The following ASTN1 variants were observed in gnomAD, a reference collection of about 807,000 sequenced individuals.
ASTN1 encodes the protein astrotactin 1, also known as astrotactin-1.
A neutral mutation model predicts 140.7 loss-of-function variants in ASTN1; 41 were observed. The observed-to-expected ratio is 0.29, with a 90% CI of 0.23 to 0.38. ASTN1 has a LOEUF of 0.38. ASTN1 is among the 10% of genes least tolerant of loss of function. The pLI, the probability that ASTN1 is intolerant of heterozygous loss-of-function variation, is 1.00. For synonymous variants in ASTN1, 640 were observed against 652.2 expected (o/e 0.98, Z 0.29); for missense variants, 1,479 against 1,678.8 (o/e 0.88, Z 2.08).
At chr1:177,047,531 C>T (rs768834969) in intron 2 of ASTN1, among the ~76,000 whole-genome samples, 2 of 152,124 alleles carry the variant, frequency 1.3e-5, no homozygotes, top group African/African-American at 4.8e-5. Context: ...ATAGTTCAAG[C>T]TGCATTTTAT....
chr1:177,045,664 C>T (rs1207669223), intron 2 of ASTN1, among the ~76,000 whole-genome samples: 4 of 152,210 alleles, frequency 2.6e-5, no homozygotes, highest in Non-Finnish European at 5.9e-5. Context: ...TTCACCCAAC[C>T]TCACTCTAGC....
At chr1:176,951,019 C>T (rs575265965) in intron 11 of ASTN1, among the ~76,000 whole-genome samples, 8 of 152,284 alleles carry the variant, frequency 5.3e-5, no homozygotes, top group Admixed American at 2.6e-4. Context: ...AGATCATCAC[C>T]AGGCAGGATA....
intron 2 of ASTN1, among the ~76,000 whole-genome samples, chr1:177,048,805 G>T (rs1043272758): frequency 3.3e-5 from 5 of 152,226 alleles, no homozygotes; most frequent in Non-Finnish European, 5.9e-5. Flanking sequence ...ACACAGAGGA[G>T]CAGAGCCAGC....
At chr1:176,979,765 TGTGTGATATTA>T (rs1452620568) in intron 8 of ASTN1, among the ~76,000 whole-genome samples, 12 of 152,116 alleles carry the variant, frequency 7.9e-5, no homozygotes, top group African/African-American at 2.7e-4. Flanking sequence ...TTAGCAGAAG[TGTGTGATATTA>T]GTGTGATATT....
chr1:177,040,160 G>A (rs1473170114), intron 2 of ASTN1, among the ~76,000 whole-genome samples: 1 of 152,228 alleles, frequency 6.6e-6, no homozygotes, highest in Non-Finnish European at 1.5e-5. Flanking sequence ...GCAGATGAAA[G>A]GCAAGTGAAA....
chr1:177,044,495 C>T (rs1252210812), intron 2 of ASTN1, among the ~76,000 whole-genome samples: 2 of 152,190 alleles, frequency 1.3e-5, no homozygotes, highest in East Asian at 1.9e-4. Context: ...GCCAGGACCT[C>T]GGGCGCAGGC....
chr1:177,022,261 CG>C (rs1471652207), intron 7 of ASTN1, among the ~76,000 whole-genome samples: 2 of 151,806 alleles, frequency 1.3e-5, no homozygotes, highest in African/African-American at 4.8e-5. Flanking sequence ...AGGGGGTTGG[CG>C]GGGGGTGGCT....
At chr1:177,045,918 C>T (rs866491482) in intron 2 of ASTN1, among the ~76,000 whole-genome samples, 1 of 147,160 alleles carries the variant, frequency 6.8e-6, no homozygotes, top group South Asian at 2.1e-4. Flanking sequence ...CAGACACATG[C>T]TTTACAAAGT....
chr1:177,033,647 T>C (rs894026672), intron 2 of ASTN1, among the ~76,000 whole-genome samples: 1 of 152,198 alleles, frequency 6.6e-6, no homozygotes, highest in Admixed American at 6.5e-5. Flanking sequence ...AACCACACAG[T>C]CCTGAGTGAT....
At chr1:176,860,657 G>T (rs1667932637), downstream of ASTN1, among the ~76,000 whole-genome samples, 1 of 152,190 alleles carries the variant, frequency 6.6e-6, no homozygotes, top group South Asian at 2.1e-4. Context: ...AATTTCAGCA[G>T]TTCTCATAGC....
intron 16 of ASTN1, among the ~76,000 whole-genome samples, chr1:176,926,177 C>CATT (rs969280742): frequency 4.6e-5 from 7 of 151,134 alleles, no homozygotes; most frequent in African/African-American, 7.3e-5. Context: ...TTTAAGCTCT[C>CATT]ATTATTATTA....
At chr1:176,998,708 C>T (rs990397528) in intron 8 of ASTN1, among the ~76,000 whole-genome samples, 20 of 152,180 alleles carry the variant, frequency 1.3e-4, no homozygotes, top group African/African-American at 4.1e-4. Flanking sequence ...CACATTACCC[C>T]GCATTTCAAA....
Position 176,861,810 on chromosome 1 carries a change from C to G in ASTN1, c.*2474G>C. 1 of 985,182 alleles carries G rather than the reference C, an allele frequency of 1.0e-6. No individual in the cohort carries two copies. The highest frequency in any genetic ancestry group is 1.2e-6 in the Non-Finnish European group (1 of 829,918). 61.0% of individuals were successfully genotyped at this position (985,182 alleles called of 1,614,324 possible). ...GGTCACAGAAAGAAGAAGTAAAAGA[C>G]AAAGATAAAGAAGGTAGAGGAACTT... On this transcript the variant is annotated 3_prime_UTR_variant, in exon 23 of 23. Transcript: ENST00000361833.
intron 1 of ASTN1, among the ~76,000 whole-genome samples, chr1:177,153,853 A>C (rs1233674341): frequency 2.0e-5 from 3 of 152,160 alleles, no homozygotes; most frequent in African/African-American, 4.8e-5. Context: ...GCTCCTAAAA[A>C]TATGAAAGGA....
chr1:177,068,404 A>G (rs1032280147), intron 1 of ASTN1, among the ~76,000 whole-genome samples: 2 of 152,204 alleles, frequency 1.3e-5, no homozygotes, highest in Non-Finnish European at 2.9e-5. Flanking sequence ...TGGAATAGAA[A>G]TATCCACTTG....
chr1:176,894,857 G>A, intron 16 of ASTN1, 27 bp from the exon 17 acceptor site: 3 of 1,610,876 alleles, frequency 1.9e-6, no homozygotes, highest in Non-Finnish European at 2.5e-6. Context: ...GAAAGAAACA[G>A]TGAAGGAGTC....
At chr1:177,091,143 C>G (rs1417907116) in intron 1 of ASTN1, among the ~76,000 whole-genome samples, 2 of 152,186 alleles carry the variant, frequency 1.3e-5, no homozygotes, top group African/African-American at 4.8e-5. Context: ...GAATTAGATG[C>G]TTCCTGAAAC....
At chr1:176,858,676 C>T (rs1377432955), downstream of ASTN1, among the ~76,000 whole-genome samples, 5 of 152,170 alleles carry the variant, frequency 3.3e-5, no homozygotes, top group African/African-American at 7.2e-5. Context: ...CAAGAATAGA[C>T]AATCTGCTCA....
At chr1:176,905,555 C>T (rs1463656406) in intron 16 of ASTN1, among the ~76,000 whole-genome samples, 2 of 152,158 alleles carry the variant, frequency 1.3e-5, no homozygotes, top group Admixed American at 6.5e-5. Flanking sequence ...TGCAAATTAA[C>T]TATATCTGAC....
Sources: allele counts gnomAD v4.1 joint callset (sites outside exome capture counted in the v4.1 genomes callset), GRCh38; gene constraint gnomAD v4.1.1; transcripts MANE v1.5; gene names NCBI Gene and HGNC (gene_info 2026-07-23, HGNC 2026-07-21).